Variants in SLC17A1 observed in about 807,000 individuals in gnomAD.
The protein encoded by SLC17A1 is solute carrier family 17 member 1, also known as sodium-dependent phosphate transport protein 1.
A neutral mutation model predicts 53.5 loss-of-function variants in SLC17A1; 51 were observed. That is an observed-to-expected ratio of 0.95 (90% CI 0.76 to 1.20). The LOEUF (loss-of-function observed/expected upper bound fraction) is 1.20. SLC17A1 is among the 50% of genes most tolerant of loss of function. SLC17A1 has a pLI of 0.00. For synonymous variants in SLC17A1, 179 were observed against 198.8 expected (o/e 0.90, Z 0.84); for missense variants, 538 against 568.2 (o/e 0.95, Z 0.54).
chr6:25,732,662 C>CGTG, the SLC17A1 span: 1 of 1,336,814 alleles, frequency 7.5e-7, no homozygotes, highest in African/African-American at 1.5e-5. Flanking sequence ...GAAGAAGACC[C>CGTG]GCATCATCCC....
the SLC17A1 span, among the ~76,000 whole-genome samples, chr6:25,746,370 CTAAA>C: frequency 0.27 from 41,077 of 151,756 alleles, 6,710 homozygotes; most frequent in East Asian, 0.7. Flanking sequence ...AGGTAATTAA[CTAAA>C]TAAGTCAATA....
downstream of SLC17A1, among the ~76,000 whole-genome samples, chr6:25,781,516 T>C (rs1763268289): frequency 6.6e-6 from 1 of 152,188 alleles, no homozygotes. Context: ...AAGGAATGCC[T>C]GAGGCTGGGT....
intron 12 of SLC17A1, among the ~76,000 whole-genome samples, chr6:25,783,719 C>G (rs892612664): frequency 6.6e-6 from 1 of 152,114 alleles, no homozygotes; most frequent in Non-Finnish European, 1.5e-5. Context: ...TACCAAATTC[C>G]CATTCTTTGT....
At chr6:25,787,768 A>G (rs533487817) in intron 12 of SLC17A1, among the ~76,000 whole-genome samples, 48 of 152,192 alleles carry the variant, frequency 3.2e-4, no homozygotes, top group Non-Finnish European at 4.7e-4. Flanking sequence ...GAGCTGGCTC[A>G]CCAAAGAATA....
chr6:25,767,518 A>G, the SLC17A1 span, among the ~76,000 whole-genome samples: 2 of 152,166 alleles, frequency 1.3e-5, no homozygotes, highest in South Asian at 4.1e-4. Flanking sequence ...TAAGTAGACC[A>G]CACAAGCTGG....
chr6:25,795,054 A>G (rs977661530), intron 12 of SLC17A1, among the ~76,000 whole-genome samples: 1 of 152,122 alleles, frequency 6.6e-6, no homozygotes, highest in African/African-American at 2.4e-5. Context: ...TGAAGAAACA[A>G]CCATCAGCAC....
the SLC17A1 span, among the ~76,000 whole-genome samples, chr6:25,764,783 C>T: frequency 1.3e-5 from 2 of 152,180 alleles, no homozygotes; most frequent in South Asian, 4.1e-4. Context: ...TGCAGCTTTC[C>T]CCTCACGCTT....
At chr6:25,776,831 GA>G in the SLC17A1 span, 1 of 1,613,968 alleles carries the variant, frequency 6.2e-7, no homozygotes, top group South Asian at 1.1e-5. Context: ...TCCCATCCGT[GA>G]TCCTCGTGTC....
the SLC17A1 span, among the ~76,000 whole-genome samples, chr6:25,741,690 T>C: frequency 1.3e-5 from 2 of 151,802 alleles, no homozygotes; most frequent in African/African-American, 2.4e-5. Flanking sequence ...CACTCCAGTC[T>C]GGGCGACAGA....
Position 25,819,899 on chromosome 6 carries a change from C to G in SLC17A1, c.224G>C (p.Trp75Ser). The G allele has an allele frequency of 6.2e-7, 1 of 1,610,112 alleles. No homozygotes were observed. The highest frequency in any genetic ancestry group is 8.5e-7 in the Non-Finnish European group (1 of 1,177,536). The change falls in exon 4 of 13, where the codon TGG becomes TCG. Residue 75 changes from tryptophan (W) to serine (S), a missense_variant. Physicochemically the swap from Trp to Ser is radical, Grantham distance 177. Coordinates refer to ENST00000244527, the MANE Select transcript of SLC17A1 (RefSeq NM_005074.5). ...GATGATTCCCTGGATATCTGGGCTC[C>G]AATTATACATAGGGTTCTAAAAGAC... The part of the protein sequence containing the change: ...LDNIKNPMYN[W>S]SPDIQGIILS...
chr6:25,768,745 C>G, the SLC17A1 span, among the ~76,000 whole-genome samples: 3 of 152,146 alleles, frequency 2.0e-5, no homozygotes, highest in African/African-American at 4.8e-5. Flanking sequence ...AAGCTCTCCC[C>G]TAATGCTTGT....
chr6:25,830,333 G>C (rs1337557842), intron 2 of SLC17A1, among the ~76,000 whole-genome samples, 191 bp downstream of exon 2: 4 of 152,154 alleles, frequency 2.6e-5, no homozygotes, highest in Non-Finnish European at 5.9e-5. Context: ...TAAGCCACCA[G>C]AGTATGTAGA....
the SLC17A1 span, among the ~76,000 whole-genome samples, chr6:25,758,025 T>A: frequency 0.27 from 41,346 of 152,108 alleles, 6,841 homozygotes; most frequent in East Asian, 0.7. Context: ...CCACCTGTGC[T>A]TCTTCACCTC....
At chr6:25,749,944 T>A in the SLC17A1 span, among the ~76,000 whole-genome samples, 2 of 152,256 alleles carry the variant, frequency 1.3e-5, no homozygotes, top group African/African-American at 4.8e-5. Flanking sequence ...GGATCACAGC[T>A]GCTGCTGGCC....
chr6:25,823,054 G>A (rs1241872131), intron 3 of SLC17A1, among the ~76,000 whole-genome samples: 2 of 151,936 alleles, frequency 1.3e-5, no homozygotes, highest in African/African-American at 2.4e-5. Flanking sequence ...GCTACGGTAT[G>A]TACTCTTTTT....
chr6:25,769,138 C>G, the SLC17A1 span: 3 of 1,614,080 alleles, frequency 1.9e-6, no homozygotes, highest in Non-Finnish European at 2.5e-6. Context: ...GAACGGCCCT[C>G]CACTGACTCC....
chr6:25,774,611 C>T, the SLC17A1 span, among the ~76,000 whole-genome samples: 1 of 152,160 alleles, frequency 6.6e-6, no homozygotes, highest in Non-Finnish European at 1.5e-5. Flanking sequence ...ATTGGGACAC[C>T]ACATAAGCAG....
At chr6:25,760,766 A>G in the SLC17A1 span, among the ~76,000 whole-genome samples, 3 of 152,054 alleles carry the variant, frequency 2.0e-5, no homozygotes, top group African/African-American at 7.2e-5. Flanking sequence ...TCAAATTTTA[A>G]TGCCTAATTT....
At chr6:25,770,375 TC>T in the SLC17A1 span, 9 of 1,613,904 alleles carry the variant, frequency 5.6e-6, no homozygotes, top group Admixed American at 3.3e-5. Context: ...ATGGAATTTT[TC>T]CCCCCAGGTT....
Sources: gnomAD v4.1 joint callset for allele counts (sites outside exome capture counted in the v4.1 genomes callset) on GRCh38, gnomAD v4.1.1 for gene constraint, MANE v1.5 for transcripts, NCBI Gene and HGNC (gene_info 2026-07-23, HGNC 2026-07-21) for gene names.